The following ARSB variants were observed in gnomAD, a reference collection of about 807,000 sequenced individuals.
The protein encoded by ARSB is arylsulfatase B.
ARSB carries 41 observed loss-of-function variants against 50.9 expected under a neutral mutation model. That is an observed-to-expected ratio of 0.81 (90% CI 0.63 to 1.04). The LOEUF is 1.04. Among genes scored for constraint, ARSB ranks in the 50% least tolerant of loss-of-function variants. ARSB has a pLI of 0.00. For synonymous variants in ARSB, 269 were observed against 284.8 expected (o/e 0.94, Z 0.56); for missense variants, 672 against 693.3 (o/e 0.97, Z 0.35).
At chr5:78,797,730 A>G (rs775625601) in intron 6 of ARSB, among the ~76,000 whole-genome samples, 3 of 152,282 alleles carry the variant, frequency 2.0e-5, no homozygotes, top group Non-Finnish European at 4.4e-5. Context: ...CCCCTAAGAT[A>G]GCTTTATGGG....
In ARSB at chr5:78,927,408, T is replaced by G. The variant is rs183685222; in HGVS notation, c.898+27887A>C. ...AACAGCACAGACCCAGGCCCTTTTC[T>G]CCCCTGAATAATGAAGGCCAGGGCA... On this transcript the variant is annotated intron_variant, in intron 4 of 7. Transcript: ENST00000264914. Among the ~76,000 whole-genome samples, 4 of 152,236 alleles carry G rather than the reference T, an allele frequency of 2.6e-5. No homozygotes were observed. In the East Asian group the frequency reaches 7.7e-4, roughly 29 times the overall value.
intron 6 of ARSB, among the ~76,000 whole-genome samples, chr5:78,823,116 G>T (rs1443605930): frequency 6.6e-6 from 1 of 152,224 alleles, no homozygotes; most frequent in African/African-American, 2.4e-5. Flanking sequence ...CTATGAATGT[G>T]ATGATTAGAT....
At chr5:78,802,115 GTTAGCTCT>G (rs1743416961) in intron 6 of ARSB, among the ~76,000 whole-genome samples, 1 of 151,604 alleles carries the variant, frequency 6.6e-6, no homozygotes, top group South Asian at 2.1e-4. Flanking sequence ...AGGTCTTTGT[GTTAGCTCT>G]TTCCTCTACC....
chr5:78,833,176 G>A (rs1744771802), intron 6 of ARSB, among the ~76,000 whole-genome samples: 1 of 152,120 alleles, frequency 6.6e-6, no homozygotes, highest in African/African-American at 2.4e-5. Flanking sequence ...ACCATGTAGA[G>A]CTGAATTCAG....
intron 4 of ARSB, among the ~76,000 whole-genome samples, chr5:78,925,662 G>A (rs556504260): frequency 1.8e-4 from 28 of 152,250 alleles, no homozygotes; most frequent in African/African-American, 4.1e-4. Flanking sequence ...ATGTTCTGTC[G>A]TAAACAAGAC....
At chr5:78,922,739 C>T (rs1167731196) in intron 4 of ARSB, among the ~76,000 whole-genome samples, 1 of 151,750 alleles carries the variant, frequency 6.6e-6, no homozygotes, top group Non-Finnish European at 1.5e-5. Flanking sequence ...AGGTAAAGTA[C>T]CAAGCTGACT....
At chr5:78,860,998 A>G (rs1746407434) in intron 5 of ARSB, among the ~76,000 whole-genome samples, 1 of 152,250 alleles carries the variant, frequency 6.6e-6, no homozygotes, top group Non-Finnish European at 1.5e-5. Context: ...ATGCAAATAA[A>G]CTAGAAAATC....
intron 4 of ARSB, among the ~76,000 whole-genome samples, chr5:78,896,561 C>T (rs1207805026): frequency 6.6e-6 from 1 of 152,164 alleles, no homozygotes; most frequent in Non-Finnish European, 1.5e-5. Flanking sequence ...AGCACTATGG[C>T]TGGATGTCCT....
Position 78,841,132 on chromosome 5 carries a change from G to GTACTACTACTACTACTAC in ARSB, c.1143-1724_1143-1707dup, listed in dbSNP as rs71613989. ...TAGGCAACATACTGAGACCTGGTCT[G>GTACTACTACTACTACTAC]TACTACTACTACTACTACTACTACT... On this transcript the variant is annotated intron_variant, in intron 5 of 7. Coordinates refer to ENST00000264914, the MANE Select transcript of ARSB (RefSeq NM_000046.5). Among the ~76,000 whole-genome samples the GTACTACTACTACTACTAC allele has an allele frequency of 4.2e-3, 563 of 134,680 alleles. 1 individual carries two copies. Among genetic ancestry groups the GTACTACTACTACTACTAC allele is most frequent in the East Asian group, 0.017 (82 of 4,886 alleles). 88.4% of individuals were successfully genotyped at this position (134,680 alleles called of 152,430 possible).
At chr5:78,787,091 CATCTATCTATCTATCTATCT>C (rs143701672) in intron 6 of ARSB, among the ~76,000 whole-genome samples, 3 of 127,954 alleles carry the variant, frequency 2.3e-5, no homozygotes, top group African/African-American at 5.8e-5. Context: ...AATCGATAAC[CATCTATCTATCTATCTATCT>C]ATCTATCTAT....
intron 4 of ARSB, among the ~76,000 whole-genome samples, chr5:78,916,513 A>G (rs550707269): frequency 3.0e-4 from 46 of 152,276 alleles, no homozygotes; most frequent in Non-Finnish European, 5.6e-4. Flanking sequence ...CTACCTCAAG[A>G]CCCTCTGTTT....
At chr5:78,950,742 C>T (rs1751461598) in intron 4 of ARSB, among the ~76,000 whole-genome samples, 1 of 152,138 alleles carries the variant, frequency 6.6e-6, no homozygotes, top group African/African-American at 2.4e-5. Flanking sequence ...TGACCTCAAG[C>T]TGCAGATTTG....
At chr5:78,800,938 G>T (rs73767422) in intron 6 of ARSB, among the ~76,000 whole-genome samples, 1 of 152,172 alleles carries the variant, frequency 6.6e-6, no homozygotes, top group Non-Finnish European at 1.5e-5. Context: ...GACATCCCAG[G>T]CAGAGTGTGG....
At chr5:78,808,107 A>C (rs974723285) in intron 6 of ARSB, among the ~76,000 whole-genome samples, 9 of 150,812 alleles carry the variant, frequency 6.0e-5, no homozygotes, top group African/African-American at 1.9e-4. Flanking sequence ...AAAAAAAAAA[A>C]AAAAAAAAAA....
At chr5:78,952,386 G>C (rs1751526654) in intron 4 of ARSB, among the ~76,000 whole-genome samples, 1 of 151,886 alleles carries the variant, frequency 6.6e-6, no homozygotes, top group Non-Finnish European at 1.5e-5. Flanking sequence ...ACCCAGGCTG[G>C]AGTACAGTGG....
intron 5 of ARSB, among the ~76,000 whole-genome samples, chr5:78,878,295 T>G (rs1747581962): frequency 1.3e-5 from 2 of 152,062 alleles, no homozygotes. Context: ...TCAAGAAAAT[T>G]TTATAAAGAC....
intron 3 of ARSB, among the ~76,000 whole-genome samples, chr5:78,958,405 G>A (rs1351708434): frequency 3.3e-5 from 5 of 152,146 alleles, no homozygotes; most frequent in Admixed American, 6.6e-5. Flanking sequence ...CTGGGAAGGC[G>A]GACAGGGGAG....
intron 5 of ARSB, among the ~76,000 whole-genome samples, chr5:78,873,360 G>A (rs920982297): frequency 8.6e-5 from 13 of 151,056 alleles, no homozygotes; most frequent in Non-Finnish European, 7.4e-5. Flanking sequence ...TCAAAATAAA[G>A]AAAAAATAAA....
intron 1 of ARSB, 143 bp from the exon 2 acceptor site, chr5:78,969,335 G>A: frequency 1.2e-6 from 1 of 869,196 alleles, no homozygotes; most frequent in East Asian, 2.6e-5. Flanking sequence ...GGATATTTCT[G>A]AAAGGCAGAA....
Sources: allele counts gnomAD v4.1 joint callset (sites outside exome capture counted in the v4.1 genomes callset), GRCh38; gene constraint gnomAD v4.1.1; transcripts MANE v1.5; gene names NCBI Gene and HGNC (gene_info 2026-07-23, HGNC 2026-07-21).